The following NAALADL2 variants were observed in gnomAD, a reference collection of about 807,000 sequenced individuals.
The protein encoded by NAALADL2 is inactive N-acetylated-alpha-linked acidic dipeptidase-like protein 2.
NAALADL2 carries 76 observed loss-of-function variants against 87.2 expected under a neutral mutation model. The ratio of observed to expected loss-of-function variants is 0.87; its 90% CI spans 0.72 to 1.05. NAALADL2 has a LOEUF of 1.05. NAALADL2 is among the 50% of genes least tolerant of loss of function. The pLI is 0.00. For missense variants in NAALADL2, 1,089 were observed against 945.8 expected (o/e 1.15, Z -1.99); for synonymous variants, 354 against 331.0 (o/e 1.07, Z -0.75).
chr3:174,794,767 T>C (rs1342950695), intron 3 of NAALADL2, among the ~76,000 whole-genome samples: 1 of 152,164 alleles, frequency 6.6e-6, no homozygotes, highest in Non-Finnish European at 1.5e-5. Context: ...TCTGAATATC[T>C]GAGTCTTAGC....
chr3:175,560,208 A>G (rs1215541452), intron 9 of NAALADL2, among the ~76,000 whole-genome samples: 1 of 152,142 alleles, frequency 6.6e-6, no homozygotes, highest in South Asian at 2.1e-4. Flanking sequence ...TAGATTTCCC[A>G]GTTTAGTGGC....
intron 5 of NAALADL2, among the ~76,000 whole-genome samples, chr3:175,391,007 G>A (rs1480117814): frequency 6.6e-6 from 1 of 152,116 alleles, no homozygotes; most frequent in Non-Finnish European, 1.5e-5. Flanking sequence ...TTCTGTCAGG[G>A]TGTGTTTTGA....
At chr3:174,642,790 G>T (rs866563761) in intron 2 of NAALADL2, among the ~76,000 whole-genome samples, 5,977 of 98,808 alleles carry the variant, frequency 0.06, 510 homozygotes, top group African/African-American at 0.21. Context: ...ATATATATAT[G>T]TTTTTTTTCA....
chr3:175,242,502 G>T (rs1378454258), intron 3 of NAALADL2: 5 of 152,160 alleles, frequency 3.3e-5, no homozygotes, highest in African/African-American at 1.2e-4. Flanking sequence ...TGTCATATTA[G>T]TTTCACAGTC....
chr3:175,105,072 T>C (rs557495984), intron 2 of NAALADL2, among the ~76,000 whole-genome samples: 338 of 152,244 alleles, frequency 2.2e-3, no homozygotes, highest in Non-Finnish European at 3.7e-3. Context: ...TTGACTGCAA[T>C]AACTTTCTCC....
rs1732026366 is a variant in NAALADL2, at chr3:174,899,371, T to C, written c.43+39921T>C. 3.3e-5 allele frequency among the ~76,000 whole-genome samples: 5 copies of C among 152,278 alleles called. No individual in the cohort carries two copies. The South Asian group carries it at 1.0e-3, about 32-fold the overall frequency. On this transcript the variant is annotated intron_variant, in intron 1 of 13. Transcript: ENST00000454872. Reference sequence around the variant, plus strand: ...TGTTGAAACATAATCCCCAGTGTTATAGGTGGGGCCTGGTGAGGGGTGATT... The same window carrying C: ...TGTTGAAACATAATCCCCAGTGTTACAGGTGGGGCCTGGTGAGGGGTGATT...
intron 2 of NAALADL2, among the ~76,000 whole-genome samples, chr3:174,554,250 TC>T (rs1198450311): frequency 6.6e-6 from 1 of 152,114 alleles, no homozygotes; most frequent in Non-Finnish European, 1.5e-5. Flanking sequence ...TAGTATCATA[TC>T]TTTAATGGTT....
At chr3:174,959,185 A>C (rs1741602113) in intron 1 of NAALADL2, among the ~76,000 whole-genome samples, 1 of 152,038 alleles carries the variant, frequency 6.6e-6, no homozygotes, top group Non-Finnish European at 1.5e-5. Context: ...GCCAATTTTC[A>C]ACTGCTTTTG....
intron 3 of NAALADL2, among the ~76,000 whole-genome samples, chr3:174,738,217 G>A (rs1347676357): frequency 4.6e-5 from 7 of 152,158 alleles, no homozygotes; most frequent in East Asian, 1.9e-4. Flanking sequence ...CTCAGTACAC[G>A]GCCATATATA....
intron 10 of NAALADL2, among the ~76,000 whole-genome samples, chr3:175,601,424 T>A (rs11710636): frequency 0.72 from 109,812 of 152,012 alleles, 40,066 homozygotes; most frequent in East Asian, 0.85. Context: ...GTTGGACACA[T>A]TATGAAAAAT....
At chr3:174,528,728 A>AAG (rs1377850422) in intron 1 of NAALADL2, among the ~76,000 whole-genome samples, 7 of 152,196 alleles carry the variant, frequency 4.6e-5, no homozygotes, top group African/African-American at 7.2e-5. Context: ...TGGAAGGTGA[A>AAG]AGGCACGTCT....
intron 4 of NAALADL2, among the ~76,000 whole-genome samples, chr3:175,266,360 AAAT>A (rs1477873835): frequency 1.3e-5 from 2 of 151,556 alleles, no homozygotes; most frequent in African/African-American, 4.8e-5. Flanking sequence ...TTTTATTAAA[AAAT>A]TAGGAAAGGT....
chr3:174,924,739 G>T (rs541923789), intron 1 of NAALADL2, among the ~76,000 whole-genome samples: 1 of 152,180 alleles, frequency 6.6e-6, no homozygotes, highest in East Asian at 1.9e-4. Context: ...TCCTGACTTT[G>T]TAATGATCAC....
At chr3:175,534,662 T>C (rs1275596836) in intron 9 of NAALADL2, among the ~76,000 whole-genome samples, 2 of 151,986 alleles carry the variant, frequency 1.3e-5, no homozygotes, top group African/African-American at 4.8e-5. Context: ...GCTTTTTTTT[T>C]TTTCTTTCCA....
chr3:175,436,367 C>G lies in NAALADL2; in HGVS notation c.1091-10862C>G, dbSNP rs200318154. 5.8e-3 allele frequency among the ~76,000 whole-genome samples: 834 copies of G among 143,528 alleles called. 32 individuals carry two copies. The highest frequency in any genetic ancestry group is 0.017 in the African/African-American group (606 of 35,996). 94.2% of individuals were successfully genotyped at this position (143,528 alleles called of 152,430 possible). A position where few individuals can be genotyped will look rare whatever the true frequency, so the allele number is the denominator to read the frequency against. On this transcript the variant is annotated intron_variant, in intron 5 of 13. Coordinates refer to ENST00000454872, the MANE Select transcript of NAALADL2 (RefSeq NM_207015.3). ...TTATGGTCTTTTGGGTATATACCCA[C>G]TAATGGGATGGCTGGGTCAAATGGT...
intron 10 of NAALADL2, among the ~76,000 whole-genome samples, chr3:175,594,672 T>G (rs556997470): frequency 6.6e-6 from 1 of 152,266 alleles, no homozygotes; most frequent in Admixed American, 6.5e-5. Flanking sequence ...CATTTGTTGT[T>G]TTTGCCTTTT....
At chr3:175,387,330 A>G (rs1422364874) in intron 5 of NAALADL2, among the ~76,000 whole-genome samples, 3 of 152,120 alleles carry the variant, frequency 2.0e-5, no homozygotes, top group Non-Finnish European at 4.4e-5. Context: ...TTTTATTTTT[A>G]TCATTCCTTC....
chr3:174,959,300 CT>C (rs1741628307), intron 1 of NAALADL2, among the ~76,000 whole-genome samples: 1 of 151,970 alleles, frequency 6.6e-6, no homozygotes, highest in Non-Finnish European at 1.5e-5. Context: ...TATAGGCAAC[CT>C]GAAAATAGGA....
intron 1 of NAALADL2, among the ~76,000 whole-genome samples, chr3:174,949,342 G>T (rs1314302009): frequency 6.6e-6 from 1 of 152,110 alleles, no homozygotes; most frequent in African/African-American, 2.4e-5. Flanking sequence ...AGCCTCGAAA[G>T]TCACATAATA....
Sources: allele counts gnomAD v4.1 joint callset (sites outside exome capture counted in the v4.1 genomes callset), GRCh38; gene constraint gnomAD v4.1.1; transcripts MANE v1.5; gene names NCBI Gene and HGNC (gene_info 2026-07-23, HGNC 2026-07-21).